The following TRAPPC9 variants were observed in gnomAD, a reference collection of about 807,000 sequenced individuals.
TRAPPC9 encodes IKK2 binding protein.
Under a neutral mutation model 124.0 loss-of-function variants are expected in TRAPPC9, and 83 were observed. The ratio of observed to expected loss-of-function variants is 0.67; its 90% confidence interval spans 0.56 to 0.80. TRAPPC9 has a LOEUF of 0.80. Ranked by LOEUF, TRAPPC9 falls within the 30% of genes least tolerant of loss-of-function variation. The pLI is 0.00. For synonymous variants in TRAPPC9, 638 were observed against 617.5 expected (o/e 1.03, Z -0.49); for missense variants, 1,302 against 1,508.3 (o/e 0.86, Z 2.27).
chr8:139,876,854 C>T (rs115611332), intron 21 of TRAPPC9, among the ~76,000 whole-genome samples: 2,123 of 152,280 alleles, frequency 0.014, 42 homozygotes, highest in African/African-American at 0.042. Flanking sequence ...ATCTGCTGTC[C>T]GCTATACTCT....
intron 19 of TRAPPC9, among the ~76,000 whole-genome samples, chr8:139,979,451 C>T (rs571319595): frequency 6.6e-6 from 1 of 152,320 alleles, no homozygotes; most frequent in East Asian, 1.9e-4. Context: ...TGCTCGCAGA[C>T]AGCTGCAGCC....
chr8:140,344,414 C>G (rs1002934481), intron 9 of TRAPPC9, among the ~76,000 whole-genome samples: 3 of 152,228 alleles, frequency 2.0e-5, no homozygotes, highest in African/African-American at 4.8e-5. Flanking sequence ...TGACTTTCCC[C>G]TGCTGCACGG....
chr8:139,836,264 C>T (rs1826342345), intron 21 of TRAPPC9, among the ~76,000 whole-genome samples: 1 of 152,196 alleles, frequency 6.6e-6, no homozygotes, highest in Admixed American at 6.5e-5. Flanking sequence ...CCACCTTGGC[C>T]TCCCAAAGTG....
intron 17 of TRAPPC9, among the ~76,000 whole-genome samples, chr8:140,156,403 G>C (rs1171585304): frequency 6.6e-6 from 1 of 152,202 alleles, no homozygotes; most frequent in Non-Finnish European, 1.5e-5. Flanking sequence ...GATCCTGCGA[G>C]GCTCAAATGA....
intron 7 of TRAPPC9, among the ~76,000 whole-genome samples, chr8:140,376,701 C>T (rs750802226): frequency 2.0e-5 from 3 of 151,426 alleles, no homozygotes; most frequent in Non-Finnish European, 4.4e-5. Context: ...CATAGTGAAA[C>T]CCCATCTCAA....
intron 21 of TRAPPC9, among the ~76,000 whole-genome samples, chr8:139,822,289 G>T (rs1199409493): frequency 6.6e-6 from 1 of 152,142 alleles, no homozygotes. Context: ...CTCCAAAGTG[G>T]CTCCCAGGTT....
intron 17 of TRAPPC9, among the ~76,000 whole-genome samples, chr8:140,158,339 G>A (rs377208263): frequency 3.9e-5 from 6 of 152,158 alleles, no homozygotes; most frequent in Non-Finnish European, 5.9e-5. Flanking sequence ...TCCTTATTAG[G>A]GAAAGAAGGA....
At chr8:140,394,124 A>G (rs1020045517) in intron 7 of TRAPPC9, among the ~76,000 whole-genome samples, 4 of 152,254 alleles carry the variant, frequency 2.6e-5, no homozygotes, top group African/African-American at 9.6e-5. Flanking sequence ...GTGTGTTTCT[A>G]TACCCACCAG....
intron 21 of TRAPPC9, among the ~76,000 whole-genome samples, chr8:139,857,072 G>GAGGGTGCCTGCCCTGCATTT (rs71276841): frequency 6.6e-6 from 1 of 151,608 alleles, no homozygotes; most frequent in South Asian, 2.1e-4. Context: ...TCAGACAGAG[G>GAGGGTGCCTGCCCTGCATTT]TGAAAGAGCA....
intron 17 of TRAPPC9, among the ~76,000 whole-genome samples, chr8:140,102,314 G>T (rs1015941989): frequency 6.6e-6 from 1 of 152,194 alleles, no homozygotes; most frequent in African/African-American, 2.4e-5. Flanking sequence ...AGGTGGAAAT[G>T]AAAGAAAGAG....
chr8:140,219,815 C>G (rs1013450956), intron 17 of TRAPPC9, among the ~76,000 whole-genome samples: 1 of 152,174 alleles, frequency 6.6e-6, no homozygotes, highest in Non-Finnish European at 1.5e-5. Context: ...TCAGGACAAA[C>G]CAGAGAGGGC....
Position 140,019,817 on chromosome 8 carries a change from G to A in TRAPPC9, c.2699+4120C>T, listed in dbSNP as rs565145028. 7.9e-5 allele frequency among the ~76,000 whole-genome samples: 12 copies of A among 151,938 alleles called. No homozygotes were observed. The South Asian group carries it at 2.5e-3, about 32-fold the overall frequency. ...TCCGCCTGCCTTGGCCTCCCAAAGGGCTGGGATTATAGGTGTGAGCCACCA... is the reference window on the plus strand; with the variant it reads ...TCCGCCTGCCTTGGCCTCCCAAAGGACTGGGATTATAGGTGTGAGCCACCA... On this transcript the variant is annotated intron_variant, in intron 18 of 22. Transcript: ENST00000438773.
intron 1 of TRAPPC9, among the ~76,000 whole-genome samples, chr8:140,454,561 A>G (rs1320527176): frequency 7.0e-6 from 1 of 143,362 alleles, no homozygotes; most frequent in African/African-American, 2.6e-5. Flanking sequence ...AATCGCTTGA[A>G]CCCAGGAGAT....
intron 16 of TRAPPC9, among the ~76,000 whole-genome samples, chr8:140,246,779 G>A (rs925131662): frequency 5.9e-5 from 9 of 152,140 alleles, no homozygotes; most frequent in Non-Finnish European, 1.0e-4. Context: ...GAGGTCAGGA[G>A]TTTGAGACCA....
intron 21 of TRAPPC9, among the ~76,000 whole-genome samples, chr8:139,802,983 C>A (rs189218654): frequency 6.6e-6 from 1 of 150,612 alleles, no homozygotes; most frequent in African/African-American, 2.5e-5. Context: ...GCATTGTGTG[C>A]GTGTTATGTA....
At chr8:139,942,988 C>T (rs1834004693) in intron 19 of TRAPPC9, among the ~76,000 whole-genome samples, 5 of 152,158 alleles carry the variant, frequency 3.3e-5, no homozygotes, top group Admixed American at 3.3e-4. Context: ...ACCTGGTGTG[C>T]ATGGAGCAGA....
intron 21 of TRAPPC9, among the ~76,000 whole-genome samples, chr8:139,780,723 C>T (rs909060092): frequency 1.3e-4 from 20 of 152,030 alleles, no homozygotes; most frequent in African/African-American, 4.6e-4. Context: ...AAAGACACCA[C>T]CAAGAGAATG....
chr8:139,763,097 G>A (rs577026253), intron 21 of TRAPPC9, among the ~76,000 whole-genome samples: 2 of 152,304 alleles, frequency 1.3e-5, no homozygotes, highest in Admixed American at 6.5e-5. Context: ...TTCCCCCAGA[G>A]GGCCTTAATT....
At chr8:140,036,840 TA>T (rs1203075358) in intron 17 of TRAPPC9, among the ~76,000 whole-genome samples, 1 of 152,142 alleles carries the variant, frequency 6.6e-6, no homozygotes, top group East Asian at 1.9e-4. Context: ...ACATTATTGT[TA>T]TTTTTTTTAT....
Sources: gnomAD v4.1 joint callset for allele counts (sites outside exome capture counted in the v4.1 genomes callset) on GRCh38, gnomAD v4.1.1 for gene constraint, MANE v1.5 for transcripts, NCBI Gene and HGNC (gene_info 2026-07-23, HGNC 2026-07-21) for gene names.